Variants in ADAMTS7 observed in about 807,000 individuals in gnomAD.
ADAMTS7 encodes the protein ADAM metallopeptidase with thrombospondin type 1 motif 7.
A neutral mutation model predicts 172.6 loss-of-function variants in ADAMTS7; 89 were observed. The ratio of observed to expected loss-of-function variants is 0.52; its 90% CI spans 0.43 to 0.61. ADAMTS7 has a LOEUF of 0.61. Ranked by LOEUF, ADAMTS7 falls within the 20% of genes least tolerant of loss-of-function variation. The probability of loss-of-function intolerance (pLI) is 0.00; values close to 1 mark genes in which losing one functional copy is unlikely to be tolerated. For missense variants in ADAMTS7, 1,973 were observed against 2,355.6 expected (o/e 0.84, Z 3.36); for synonymous variants, 885 against 978.4 (o/e 0.90, Z 1.78).
At chr15:78,810,136 C>T (rs1217047274) in intron 1 of ADAMTS7, among the ~76,000 whole-genome samples, 1 of 152,256 alleles carries the variant, frequency 6.6e-6, no homozygotes, top group Non-Finnish European at 1.5e-5. Context: ...CAACCCTAAT[C>T]CAGTCCCCCG....
At chr15:78,778,343 C>T (rs1256602908) in intron 8 of ADAMTS7, among the ~76,000 whole-genome samples, 1 of 152,240 alleles carries the variant, frequency 6.6e-6, no homozygotes, top group African/African-American at 2.4e-5. Flanking sequence ...GGGAGGGCGG[C>T]CCAGTCCCTT....
rs368254433 is a variant in ADAMTS7 at position 78,776,890 on chromosome 15, G to A, written c.1468-49C>T. The A allele has an allele frequency of 9.6e-4, 1,392 of 1,453,598 alleles. 9 individuals carry two copies. In the African/African-American group the frequency reaches 0.015, roughly 16 times the overall value. 90.0% of individuals were successfully genotyped at this position (1,453,598 alleles called of 1,614,324 possible). A position where few individuals can be genotyped will look rare whatever the true frequency, so the allele number is the denominator to read the frequency against. On this transcript the variant is annotated intron_variant, in intron 9 of 23. Transcript: ENST00000388820. Reference sequence around the variant, plus strand: ...ATACCCTCACACCCTCCCCAGTGCCGCCACCCACCCTGCCCCCCTCCCTGT... The same window carrying A: ...ATACCCTCACACCCTCCCCAGTGCCACCACCCACCCTGCCCCCCTCCCTGT...
rs764662798 is a variant in ADAMTS7, at chr15:78,771,209, G to A, written c.2471C>T (p.Ser824Phe). ...GHDEVPPPVFSWHYGPWTKCT... is the reference protein window; with the variant it reads ...GHDEVPPPVFFWHYGPWTKCT... ...CTTGGTCCAGGGCCCATAATGCCAG[G>A]AGAACACGGGCGGCGGGACCTCGTC... is the stretch of plus-strand genomic sequence containing the variant. Residue 824 changes from serine to phenylalanine, a missense_variant, in exon 16 of 24, where the codon TCC (serine) becomes TTC (phenylalanine). By Grantham distance (155) the Ser-to-Phe change is radical. Around this residue, in one of 8 missense-constraint regions of ADAMTS7, gnomAD observed 771 missense variants for 952.6 expected, o/e 0.81. Transcript: ENST00000388820. The surrounding 1 kb of genome is among the most constrained non-coding windows in gnomAD (Gnocchi z 4.9). The A allele has an allele frequency of 3.7e-6, 6 of 1,611,720 alleles. No homozygotes were observed. In the African/African-American group the frequency reaches 6.7e-5, roughly 18 times the overall value.
chr15:78,761,182 AGGCATGGCAGG>A (rs1445885154), intron 23 of ADAMTS7, among the ~76,000 whole-genome samples: 1 of 152,200 alleles, frequency 6.6e-6, no homozygotes, highest in African/African-American at 2.4e-5. Flanking sequence ...CAGGGCAGCG[AGGCATGGCAGG>A]GGCCACTCTG....
At chr15:78,798,939 G>A (rs1235868761) in intron 2 of ADAMTS7, among the ~76,000 whole-genome samples, 2 of 152,164 alleles carry the variant, frequency 1.3e-5, no homozygotes, top group African/African-American at 2.4e-5. Context: ...GTATGAATGC[G>A]GAGTCCCCCC....
chr15:78,783,904 TAA>T (rs34137795), intron 8 of ADAMTS7, among the ~76,000 whole-genome samples: 3 of 151,148 alleles, frequency 2.0e-5, no homozygotes, highest in Non-Finnish European at 2.9e-5. Flanking sequence ...ACTCAAAAAT[TAA>T]AAAAAAAATC....
intron 20 of ADAMTS7, 109 bp from the exon 21 acceptor site, chr15:78,764,208 G>A (rs980089077): frequency 6.5e-6 from 9 of 1,390,270 alleles, no homozygotes; most frequent in South Asian, 1.5e-5. Context: ...CCAGCCCGGG[G>A]GAATAGCTGA....
At position 78,761,784 on chromosome 15, in the gene ADAMTS7, C is replaced by T. The variant is rs1309982345; in HGVS notation, c.4903+619G>A. ...TGCGCGCACGCACACATGCTGGAGG[C>T]GGCGGCAGGGGTGTCCAGAACCACC... On this transcript the variant is annotated intron_variant, in intron 23 of 23. Coordinates refer to ENST00000388820, the MANE Select transcript of ADAMTS7 (RefSeq NM_014272.5). 1.9e-5 allele frequency: 18 copies of T among 941,462 alleles called. 1 individual carries two copies. The highest frequency in any genetic ancestry group is 4.9e-5 in the South Asian group (1 of 20,448). 58.3% of individuals were successfully genotyped at this position (941,462 alleles called of 1,614,324 possible). A position where few individuals can be genotyped will look rare whatever the true frequency, so the allele number is the denominator to read the frequency against.
intron 6 of ADAMTS7, among the ~76,000 whole-genome samples, chr15:78,790,293 TACACACACAC>T (rs199767572): frequency 6.6e-6 from 1 of 151,498 alleles, no homozygotes; most frequent in East Asian, 1.9e-4. Context: ...AAGAACTGAA[TACACACACAC>T]ACACAAAGGG....
At chr15:78,787,259 C>G (rs760883504) in intron 8 of ADAMTS7, among the ~76,000 whole-genome samples, 1 of 149,426 alleles carries the variant, frequency 6.7e-6, no homozygotes, top group Non-Finnish European at 1.5e-5. Context: ...AAACCTGGCA[C>G]TGCACAAAAT....
At chr15:78,803,944 G>A (rs2055757719) in intron 1 of ADAMTS7, among the ~76,000 whole-genome samples, 1 of 152,216 alleles carries the variant, frequency 6.6e-6, no homozygotes, top group African/African-American at 2.4e-5. Flanking sequence ...AAGTAAATAT[G>A]TAATATTTTC....
chr15:78,790,492 C>T (rs974502018), intron 6 of ADAMTS7, among the ~76,000 whole-genome samples, 178 bp downstream of exon 6: 4 of 152,122 alleles, frequency 2.6e-5, no homozygotes, highest in African/African-American at 9.7e-5. Flanking sequence ...ACAATTATTT[C>T]AAAATAAAAA....
In ADAMTS7 at chr15:78,762,569, A is replaced by G. The variant is rs11852980; in HGVS notation, c.4741-4T>C. 0.36 allele frequency: 510,383 copies of G among 1,413,822 alleles called. 108,211 individuals are homozygous for G. The highest frequency in any genetic ancestry group is 0.41 in the Non-Finnish European group (429,706 of 1,048,610). The allele number at this position is 1,413,822 out of a possible 1,614,324, so 87.6% of individuals were successfully genotyped here. A position where few individuals can be genotyped will look rare whatever the true frequency, so the allele number is the denominator to read the frequency against. ...CACCACCACAGGGGCCTGAGCACTG[A>G]GGGGAGCGGGGGAGGAATGAGTGTC... On this transcript the variant is annotated splice_region_variant and splice_polypyrimidine_tract_variant and intron_variant, in intron 22 of 23. Transcript: ENST00000388820.
intron 10 of ADAMTS7, 81 bp downstream of exon 10, chr15:78,776,668 C>A (rs1171860403): frequency 2.2e-6 from 3 of 1,367,670 alleles, no homozygotes; most frequent in Non-Finnish European, 2.0e-6. Context: ...GACTGTGAGC[C>A]GGGGCTGACC....
chr15:78,806,086 CCA>C (rs1567245486), intron 1 of ADAMTS7, among the ~76,000 whole-genome samples: 10 of 100,480 alleles, frequency 1.0e-4, no homozygotes, highest in African/African-American at 4.3e-4. Flanking sequence ...ACTCCCCCCC[CCA>C]AAAACACACA....
rs142696728 is a variant in ADAMTS7, at chr15:78,805,445, GGGT to G, written c.101-4901_101-4899del. Among the ~76,000 whole-genome samples the G allele has an allele frequency of 7.9e-3, 1,200 of 152,236 alleles. 16 individuals are homozygous for G. Among genetic ancestry groups the G allele is most frequent in the African/African-American group, 0.027 (1,139 of 41,558 alleles). On this transcript the variant is annotated intron_variant, in intron 1 of 23. Transcript: ENST00000388820. ...AATTGCTCCCTGGCAGAAGTGGCTG[GGGT>G]GGAGCAGTGAGTTCCCTTTAGGAAG...
intron 8 of ADAMTS7, among the ~76,000 whole-genome samples, chr15:78,784,786 G>A (rs1334294649): frequency 6.6e-6 from 1 of 152,054 alleles, no homozygotes; most frequent in African/African-American, 2.4e-5. Flanking sequence ...GAAACTAGAA[G>A]ACAACAGAAA....
chr15:78,775,986 G>T (rs12906691), intron 11 of ADAMTS7, among the ~76,000 whole-genome samples: 1 of 152,042 alleles, frequency 6.6e-6, no homozygotes, highest in Admixed American at 6.5e-5. Flanking sequence ...CCCCCTCTCT[G>T]GAAAGGGGTC....
rs115552316 is a variant in ADAMTS7 at position 78,800,027 on chromosome 15, C to T, written c.456+165G>A. ...TGAGAACTGTTATCCTAGAGATCAA[C>T]GAGGCCTGCGTTGTCACTCCCACTT... On this transcript the variant is annotated intron_variant, in intron 2 of 23. Transcript: ENST00000388820. Among the ~76,000 whole-genome samples, 301 of 152,022 alleles carry T rather than the reference C, an allele frequency of 2.0e-3. 2 individuals are homozygous for T. Among genetic ancestry groups the T allele is most frequent in the African/African-American group, 6.7e-3 (279 of 41,478 alleles).
Sources: gnomAD v4.1 joint callset for allele counts (sites outside exome capture counted in the v4.1 genomes callset) on GRCh38, gnomAD v4.1.1 for gene constraint, gnomAD v4.1.1 regional missense constraint, Gnocchi (gnomAD v3.1) non-coding constraint, MANE v1.5 for transcripts, NCBI Gene and HGNC (gene_info 2026-07-23, HGNC 2026-07-21) for gene names.